SKP1: variants seen among roughly 807,000 people sequenced by gnomAD.
The protein encoded by SKP1 is S-phase kinase associated protein 1.
In SKP1, 1 loss-of-function variant was observed where a neutral mutation model predicts 21.5. The observed-to-expected ratio is 0.05, with a 90% confidence interval of 0.02 to 0.22. The LOEUF (loss-of-function observed/expected upper bound fraction) is 0.22. SKP1 is among the 10% of genes least tolerant of loss of function. The pLI is 1.00. For missense variants in SKP1, 70 were observed against 192.0 expected (o/e 0.36, Z 3.76); for synonymous variants, 59 against 59.3 (o/e 0.99, Z 0.03).
intron 4 of SKP1, among the ~76,000 whole-genome samples, chr5:134,160,109 A>G (rs1358324944): frequency 5.3e-5 from 8 of 151,822 alleles, no homozygotes; most frequent in Admixed American, 5.2e-4. Context: ...TAATCCCAAC[A>G]CTTTGGGAGG....
At position 134,150,591 on chromosome 5, in the gene SKP1, G is replaced by C. The variant is rs920914758; in HGVS notation, c.*7142C>G. ...AGTTGGCTTTTCTTTGAGGTTCTTT[G>C]AGAGTCCTTAACTGCGACTCTCAGA... On this transcript the variant is annotated 3_prime_UTR_variant, in exon 6 of 6. Coordinates refer to ENST00000353411, the MANE Select transcript of SKP1 (RefSeq NM_170679.3). The C allele has an allele frequency of 1.3e-5, 2 of 152,176 alleles. No homozygotes were observed. The highest frequency in any genetic ancestry group is 4.8e-5 in the African/African-American group (2 of 41,450). The allele number at this position is 152,176 out of a possible 1,614,324, so 9.4% of individuals were successfully genotyped here. A position where few individuals can be genotyped will look rare whatever the true frequency, so the allele number is the denominator to read the frequency against.
chr5:134,158,080 T>C, intron 5 of SKP1: 1 of 1,429,144 alleles, frequency 7.0e-7, no homozygotes, highest in South Asian at 1.3e-5. Flanking sequence ...TTCTGATCTA[T>C]TCTTTCATTT....
intron 3 of SKP1, among the ~76,000 whole-genome samples, chr5:134,164,549 T>TCA (rs1347229315): frequency 1.3e-5 from 2 of 152,170 alleles, no homozygotes; most frequent in African/African-American, 4.8e-5. Flanking sequence ...TCTCTTTGGT[T>TCA]CACTGCTATA....
At chr5:134,167,647 C>T (rs1046955284) in intron 2 of SKP1, among the ~76,000 whole-genome samples, 1 of 152,060 alleles carries the variant, frequency 6.6e-6, no homozygotes, top group African/African-American at 2.4e-5. Flanking sequence ...CTCAGCCTCC[C>T]CGAGTAGCTG....
intron 2 of SKP1, 140 bp from the exon 3 acceptor site, chr5:134,167,383 C>A: frequency 4.8e-6 from 3 of 626,182 alleles, no homozygotes; most frequent in Admixed American, 3.0e-5. Context: ...ACAGATTAAA[C>A]ATATTGGGAA....
In SKP1 at chr5:134,149,905, T is replaced by C. The variant is rs1368731379; in HGVS notation, c.*7828A>G. On this transcript the variant is annotated 3_prime_UTR_variant, in exon 6 of 6. Coordinates refer to ENST00000353411, the MANE Select transcript of SKP1 (RefSeq NM_170679.3). The stretch of plus-strand genomic sequence containing the variant: ...AAACTCAGATCCTCCCAAATCACCC[T>C]GGTGCATTCCTGCGAGGCCAGAGGG... The C allele has an allele frequency of 6.6e-6, 1 of 152,002 alleles. No individual in the cohort carries two copies. The highest frequency in any genetic ancestry group is 1.5e-5 in the Non-Finnish European group (1 of 67,996). 9.4% of individuals were successfully genotyped at this position (152,002 alleles called of 1,614,324 possible). A position where few individuals can be genotyped will look rare whatever the true frequency, so the allele number is the denominator to read the frequency against.
rs1761073169 is a variant in SKP1, at chr5:134,153,449, C to G, written c.*4284G>C. The G allele has an allele frequency of 6.5e-6, 1 of 152,952 alleles. No homozygotes were observed. Among genetic ancestry groups the G allele is most frequent in the Admixed American group, 6.5e-5 (1 of 15,294 alleles). The allele number at this position is 152,952 out of a possible 1,614,324, so 9.5% of individuals were successfully genotyped here. A position where few individuals can be genotyped will look rare whatever the true frequency, so the allele number is the denominator to read the frequency against. Reference sequence around the variant, plus strand: ...TGAGCTGTGATCACATCACTGCACTCCAGCCTGGGGGGCAGAGGTGAGACC... The same window carrying G: ...TGAGCTGTGATCACATCACTGCACTGCAGCCTGGGGGGCAGAGGTGAGACC... On this transcript the variant is annotated 3_prime_UTR_variant, in exon 6 of 6. Transcript: ENST00000353411.
At chr5:134,164,970 T>C (rs553960013) in intron 3 of SKP1, among the ~76,000 whole-genome samples, 2 of 151,790 alleles carry the variant, frequency 1.3e-5, no homozygotes, top group South Asian at 4.2e-4. Flanking sequence ...CCATATATTA[T>C]GTATCCAGGA....
At chr5:134,173,864 G>T in intron 2 of SKP1, 62 bp downstream of exon 2, 1 of 905,724 alleles carries the variant, frequency 1.1e-6, no homozygotes, top group Non-Finnish European at 1.9e-6. Context: ...ATATAAATTT[G>T]ATATTCACAA....
At chr5:134,175,720 T>C (rs1761527451) in intron 1 of SKP1, 1 of 152,256 alleles carries the variant, frequency 6.6e-6, no homozygotes. Context: ...AATCGGTTAA[T>C]CTGTAATTCG....
chr5:134,158,684 G>A lies in SKP1; in HGVS notation c.316-89C>T, dbSNP rs140436089. ...TGATTGACACTCCGTATCTAATAAA[G>A]CTTAAAATGCTAATTTTAAGAAATT... On this transcript the variant is annotated intron_variant, in intron 4 of 5. Coordinates refer to ENST00000353411, the MANE Select transcript of SKP1 (RefSeq NM_170679.3). The A allele has an allele frequency of 1.6e-4, 172 of 1,093,560 alleles. No homozygotes were observed. The African/African-American group carries it at 1.7e-3, about 11-fold the overall frequency. 67.7% of individuals were successfully genotyped at this position (1,093,560 alleles called of 1,614,324 possible). A position where few individuals can be genotyped will look rare whatever the true frequency, so the allele number is the denominator to read the frequency against.
intron 3 of SKP1, chr5:134,161,924 G>A (rs529429306): frequency 6.6e-6 from 1 of 152,200 alleles, no homozygotes; most frequent in Admixed American, 6.5e-5. Context: ...TAGAATCTAG[G>A]CAGTGGCTAC....
At chr5:134,163,081 G>C (rs906806153) in intron 3 of SKP1, among the ~76,000 whole-genome samples, 2 of 151,692 alleles carry the variant, frequency 1.3e-5, no homozygotes, top group African/African-American at 4.8e-5. Flanking sequence ...TGGGACTGGT[G>C]GTGCACACCT....
intron 3 of SKP1, among the ~76,000 whole-genome samples, chr5:134,162,319 T>C (rs780645315): frequency 2.6e-5 from 4 of 152,200 alleles, no homozygotes; most frequent in Non-Finnish European, 5.9e-5. Flanking sequence ...TGCAAACTCC[T>C]GAACTCAAGC....
chr5:134,172,432 C>A (rs1761459190), intron 2 of SKP1, among the ~76,000 whole-genome samples: 1 of 152,090 alleles, frequency 6.6e-6, no homozygotes, highest in African/African-American at 2.4e-5. Context: ...TGTATCACCC[C>A]ACTGGTAACA....
At chr5:134,158,295 T>C in intron 5 of SKP1, 160 bp downstream of exon 5, 1 of 1,514,918 alleles carries the variant, frequency 6.6e-7, no homozygotes, top group South Asian at 1.3e-5. Flanking sequence ...TTCAGATTCA[T>C]AAAGACAGAA....
At position 134,157,706 on chromosome 5, in the gene SKP1, C is replaced by G; in HGVS notation, c.*27G>C. ...CAACTAGTATTTGGAACAATCCTTA[C>G]AGTGTTACAGTGTCAGGCACAACAT... is the stretch of plus-strand genomic sequence containing the variant. On this transcript the variant is annotated 3_prime_UTR_variant, in exon 6 of 6. Coordinates refer to ENST00000353411, the MANE Select transcript of SKP1 (RefSeq NM_170679.3). The G allele has an allele frequency of 6.4e-7, 1 of 1,570,720 alleles. No homozygotes were observed. Among genetic ancestry groups the G allele is most frequent in the Non-Finnish European group, 8.8e-7 (1 of 1,140,982 alleles).
At chr5:134,159,161 A>G (rs979108579) in intron 4 of SKP1, among the ~76,000 whole-genome samples, 3 of 151,704 alleles carry the variant, frequency 2.0e-5, no homozygotes, top group African/African-American at 7.3e-5. Context: ...CATTCCATCA[A>G]TTTCCCTCTA....
intron 2 of SKP1, among the ~76,000 whole-genome samples, chr5:134,168,344 T>C (rs1027398498): frequency 4.7e-4 from 72 of 152,196 alleles, no homozygotes; most frequent in Middle Eastern, 3.4e-3. Context: ...TGTGTATACA[T>C]ATACACACTA....
Sources: allele counts gnomAD v4.1 joint callset (sites outside exome capture counted in the v4.1 genomes callset), GRCh38; gene constraint gnomAD v4.1.1; transcripts MANE v1.5; gene names NCBI Gene and HGNC (gene_info 2026-07-23, HGNC 2026-07-21).